Variants in ZSWIM6 observed in about 807,000 individuals in gnomAD.
ZSWIM6 encodes zinc finger SWIM domain-containing protein 6.
In ZSWIM6, 9 loss-of-function variants were observed where a neutral mutation model predicts 113.2. The observed-to-expected ratio is 0.08, with a 90% CI of 0.05 to 0.14. The LOEUF is 0.14. Among genes scored for constraint, ZSWIM6 ranks in the 10% least tolerant of loss-of-function variants. The pLI is 1.00. For missense variants in ZSWIM6, 1,162 were observed against 1,552.2 expected (o/e 0.75, Z 4.22); for synonymous variants, 611 against 606.5 (o/e 1.01, Z -0.11).
In ZSWIM6 at chr5:61,492,307, G is replaced by A. The variant is rs147293708; in HGVS notation, c.1182+1373G>A. Among the ~76,000 whole-genome samples the A allele has an allele frequency of 3.0e-3, 452 of 152,176 alleles. 1 individual carries two copies. Among genetic ancestry groups the A allele is most frequent in the Non-Finnish European group, 4.6e-3 (316 of 67,964 alleles). On this transcript the variant is annotated intron_variant, in intron 3 of 13. Coordinates refer to ENST00000252744, the MANE Select transcript of ZSWIM6 (RefSeq NM_020928.2). ...TTATGTTAGAAACAGTTCAAAAGAT[G>A]TATTATTAGCCTGGTGTGCAGTTGT...
intron 1 of ZSWIM6, among the ~76,000 whole-genome samples, chr5:61,439,260 A>C (rs1368579737): frequency 6.6e-6 from 1 of 152,192 alleles, no homozygotes; most frequent in Non-Finnish European, 1.5e-5. Context: ...TTCATAATTC[A>C]TTAATCCCAT....
chr5:61,356,742 T>TA (rs1561205437), intron 1 of ZSWIM6, among the ~76,000 whole-genome samples: 11 of 134,476 alleles, frequency 8.2e-5, no homozygotes, highest in African/African-American at 2.8e-4. Flanking sequence ...ATATATATTA[T>TA]ATATATATAT....
chr5:61,514,818 G>T (rs759623848), intron 4 of ZSWIM6, among the ~76,000 whole-genome samples: 2 of 152,048 alleles, frequency 1.3e-5, no homozygotes, highest in Non-Finnish European at 2.9e-5. Flanking sequence ...GAGGGATATT[G>T]ATCTGCAGTT....
chr5:61,530,991 A>G (rs1204547366), intron 8 of ZSWIM6, among the ~76,000 whole-genome samples: 2 of 152,200 alleles, frequency 1.3e-5, no homozygotes, highest in African/African-American at 2.4e-5. Flanking sequence ...TCAAAGAATC[A>G]TTCCTCTTGT....
intron 1 of ZSWIM6, among the ~76,000 whole-genome samples, chr5:61,418,771 GTTTAC>G (rs763956677): frequency 1.8e-4 from 27 of 152,300 alleles, no homozygotes; most frequent in African/African-American, 3.6e-4. Flanking sequence ...GAGAAATAAT[GTTTAC>G]TTTACGAGAC....
intron 1 of ZSWIM6, among the ~76,000 whole-genome samples, chr5:61,385,224 T>A (rs973522020): frequency 4.6e-5 from 7 of 152,146 alleles, no homozygotes; most frequent in Non-Finnish European, 1.0e-4. Context: ...TATATTCTCT[T>A]CAAGAAGACA....
intron 1 of ZSWIM6, among the ~76,000 whole-genome samples, chr5:61,377,042 T>C (rs993910788): frequency 3.3e-5 from 5 of 151,102 alleles, no homozygotes; most frequent in African/African-American, 1.2e-4. Flanking sequence ...AAAAAAGATA[T>C]TAAAGGATAG....
At chr5:61,535,449 T>C in intron 9 of ZSWIM6, 35 bp from the exon 10 acceptor site, 2 of 1,546,894 alleles carry the variant, frequency 1.3e-6, no homozygotes, top group Non-Finnish European at 1.7e-6. Flanking sequence ...GTTCATTTTT[T>C]AGGAACGTAA....
intron 9 of ZSWIM6, among the ~76,000 whole-genome samples, chr5:61,532,726 T>G (rs1227019983): frequency 6.6e-6 from 1 of 152,198 alleles, no homozygotes; most frequent in East Asian, 1.9e-4. Flanking sequence ...GCATGCTTAA[T>G]TTTGGTAAAA....
chr5:61,418,594 T>G (rs1746299345), intron 1 of ZSWIM6, among the ~76,000 whole-genome samples: 1 of 151,976 alleles, frequency 6.6e-6, no homozygotes, highest in South Asian at 2.1e-4. Flanking sequence ...AACCTTCTAG[T>G]GACTATCTAG....
At chr5:61,334,034 C>G (rs945150421) in intron 1 of ZSWIM6, among the ~76,000 whole-genome samples, 7 of 152,218 alleles carry the variant, frequency 4.6e-5, no homozygotes, top group Admixed American at 3.3e-4. Context: ...TTTCAGTTTT[C>G]TGTCACCCTC....
intron 1 of ZSWIM6, among the ~76,000 whole-genome samples, chr5:61,414,773 A>G (rs1012412814): frequency 1.3e-5 from 2 of 152,240 alleles, no homozygotes; most frequent in African/African-American, 2.4e-5. Context: ...TTATGTTTCA[A>G]AGGGGTCAGC....
intron 1 of ZSWIM6, among the ~76,000 whole-genome samples, chr5:61,451,128 G>T (rs558283202): frequency 2.6e-5 from 4 of 152,242 alleles, no homozygotes; most frequent in African/African-American, 9.6e-5. Context: ...CAACTGCACA[G>T]AAGAGGCAGT....
intron 4 of ZSWIM6, among the ~76,000 whole-genome samples, chr5:61,503,727 T>C (rs1748533180): frequency 6.6e-6 from 1 of 152,184 alleles, no homozygotes; most frequent in African/African-American, 2.4e-5. Flanking sequence ...AGATTGACCA[T>C]GCACTAGAAG....
chr5:61,393,390 A>G (rs1280201616), intron 1 of ZSWIM6, among the ~76,000 whole-genome samples: 7 of 152,098 alleles, frequency 4.6e-5, no homozygotes, highest in Admixed American at 3.9e-4. Context: ...ACTATTATGA[A>G]CAATTCTACA....
chr5:61,488,688 ATCT>A (rs1411389329), intron 2 of ZSWIM6, among the ~76,000 whole-genome samples: 1 of 150,960 alleles, frequency 6.6e-6, no homozygotes, highest in Non-Finnish European at 1.5e-5. Flanking sequence ...ATTTATTTGG[ATCT>A]TCTCTCTCCT....
At chr5:61,354,942 G>A (rs906189124) in intron 1 of ZSWIM6, among the ~76,000 whole-genome samples, 2 of 152,060 alleles carry the variant, frequency 1.3e-5, no homozygotes, top group East Asian at 1.9e-4. Flanking sequence ...GAGCTATTTT[G>A]TAGTCTATTT....
Position 61,544,339 on chromosome 5 carries a change from GGGGGGT to G in ZSWIM6, c.*27_*32del. Reference sequence around the variant, plus strand: ...TTGATAGATCTTGTATGAATGGGGTGGGGGGTGGGGATGGGAGGGATGGTTTGTTTT... The same window carrying G: ...TTGATAGATCTTGTATGAATGGGGTGGGGGATGGGAGGGATGGTTTGTTTT... On this transcript the variant is annotated 3_prime_UTR_variant, in exon 14 of 14. Coordinates refer to ENST00000252744, the MANE Select transcript of ZSWIM6 (RefSeq NM_020928.2). The G allele has an allele frequency of 7.3e-6, 1 of 137,732 alleles. No individual in the cohort carries two copies. The highest frequency in any genetic ancestry group is 1.5e-5 in the Non-Finnish European group (1 of 67,044). The allele number at this position is 137,732 out of a possible 1,614,324, so 8.5% of individuals were successfully genotyped here. A position where few individuals can be genotyped will look rare whatever the true frequency, so the allele number is the denominator to read the frequency against.
At chr5:61,388,737 G>T (rs906888884) in intron 1 of ZSWIM6, among the ~76,000 whole-genome samples, 6 of 152,348 alleles carry the variant, frequency 3.9e-5, no homozygotes, top group Middle Eastern at 3.4e-3. Flanking sequence ...GCTTTGCTGT[G>T]TAGTGACTGA....
Sources: gnomAD v4.1 joint callset for allele counts (sites outside exome capture counted in the v4.1 genomes callset) on GRCh38, gnomAD v4.1.1 for gene constraint, MANE v1.5 for transcripts, NCBI Gene and HGNC (gene_info 2026-07-23, HGNC 2026-07-21) for gene names.